Variants in TRPM3 observed in about 807,000 individuals in gnomAD.
TRPM3 encodes transient receptor potential cation channel subfamily M member 3, also known as long transient receptor potential channel 3.
Under a neutral mutation model 181.2 loss-of-function variants are expected in TRPM3, and 77 were observed. The ratio of observed to expected loss-of-function variants is 0.42; its 90% CI spans 0.35 to 0.51. The LOEUF is 0.51. TRPM3 is among the 20% of genes least tolerant of loss of function. The pLI, the probability that TRPM3 is intolerant of heterozygous loss-of-function variation, is 0.01. For synonymous variants in TRPM3, 745 were observed against 796.4 expected (o/e 0.94, Z 1.09); for missense variants, 1,759 against 2,196.7 (o/e 0.80, Z 3.98).
At chr9:70,598,956 C>T (rs1006538317) in intron 20 of TRPM3, among the ~76,000 whole-genome samples, 3 of 152,152 alleles carry the variant, frequency 2.0e-5, no homozygotes, top group Non-Finnish European at 4.4e-5. Context: ...TCCTAGTATG[C>T]TGCAAATCTC....
intron 1 of TRPM3, among the ~76,000 whole-genome samples, chr9:71,340,779 C>A (rs1468902282): frequency 1.3e-5 from 2 of 152,060 alleles, no homozygotes; most frequent in African/African-American, 4.8e-5. Flanking sequence ...ATGAGCATAC[C>A]TAGCAAACAG....
intron 6 of TRPM3, among the ~76,000 whole-genome samples, chr9:70,814,805 C>G (rs1471756340): frequency 6.6e-6 from 1 of 152,078 alleles, no homozygotes; most frequent in Non-Finnish European, 1.5e-5. Context: ...AGGCACCCAA[C>G]TCCTAGGCCC....
Position 70,549,638 on chromosome 9 carries a change from TG to T in TRPM3, c.3610del (p.His1204MetfsTer8). 6.2e-7 allele frequency: 1 copy of T among 1,611,678 alleles called. No homozygotes were observed. Among genetic ancestry groups the T allele is most frequent in the Non-Finnish European group, 8.5e-7 (1 of 1,179,800 alleles). ...FITDDELKKVHDFEEQCIEEY... is the reference protein window; with the variant it reads ...FITDDELKKVXDFEEQCIEEY... ...TTCTATGCATTGCTCTTCAAAGTCA[TG>T]TACTTTCTTGAGCTCATCATCGGTT... is the stretch of plus-strand genomic sequence containing the variant. On this transcript the variant is annotated frameshift_variant, in exon 25 of 26. Coordinates refer to ENST00000677713, the MANE Select transcript of TRPM3 (RefSeq NM_001366145.2). LOFTEE classifies it high-confidence loss of function.
intron 1 of TRPM3, among the ~76,000 whole-genome samples, chr9:70,912,551 G>C (rs75010927): frequency 6.6e-6 from 1 of 152,156 alleles, no homozygotes; most frequent in Non-Finnish European, 1.5e-5. Context: ...GATAAGGAAA[G>C]TGAGGAGAGT....
chr9:71,071,196 C>T (rs2062720226), intron 1 of TRPM3, among the ~76,000 whole-genome samples: 1 of 152,160 alleles, frequency 6.6e-6, no homozygotes, highest in Non-Finnish European at 1.5e-5. Context: ...CATCTCCTTG[C>T]CTTGGTCTCC....
intron 5 of TRPM3, among the ~76,000 whole-genome samples, chr9:70,831,872 A>G (rs1158416304): frequency 6.7e-6 from 1 of 149,730 alleles, no homozygotes; most frequent in East Asian, 2.0e-4. Flanking sequence ...AACTCAAAGG[A>G]TAAATGCTTG....
chr9:70,608,771 T>C (rs2061581636), intron 19 of TRPM3, among the ~76,000 whole-genome samples: 1 of 152,106 alleles, frequency 6.6e-6, no homozygotes, highest in Non-Finnish European at 1.5e-5. Flanking sequence ...ATCCAGGAGA[T>C]GGAGGTTGCA....
intron 1 of TRPM3, among the ~76,000 whole-genome samples, chr9:71,053,950 G>A (rs1209271243): frequency 6.6e-6 from 1 of 152,130 alleles, no homozygotes; most frequent in Non-Finnish European, 1.5e-5. Flanking sequence ...ACTTGTAGGA[G>A]AATCACTGGA....
intron 1 of TRPM3, among the ~76,000 whole-genome samples, chr9:71,078,072 T>A (rs144775082): frequency 1.7e-3 from 252 of 152,248 alleles, no homozygotes; most frequent in Non-Finnish European, 2.9e-3. Flanking sequence ...CACATATATG[T>A]GCGCTTGTGG....
Position 70,596,086 on chromosome 9 carries a change from A to G in TRPM3, c.3048+2333T>C, listed in dbSNP as rs376478677. 2.2e-3 allele frequency among the ~76,000 whole-genome samples: 334 copies of G among 152,336 alleles called. 2 individuals carry two copies. The highest frequency in any genetic ancestry group is 7.7e-3 in the African/African-American group (322 of 41,590). On this transcript the variant is annotated intron_variant, in intron 21 of 25. Transcript: ENST00000677713. ...CAATTTGAACATAATGATAACAGAT[A>G]TAATTTGTCAACCACCAACTATGAG... is the stretch of plus-strand genomic sequence containing the variant.
At chr9:71,373,159 C>T (rs2092571262) in intron 1 of TRPM3, among the ~76,000 whole-genome samples, 1 of 152,088 alleles carries the variant, frequency 6.6e-6, no homozygotes. Context: ...TACATGCCCA[C>T]ATGAGAAAGC....
intron 1 of TRPM3, among the ~76,000 whole-genome samples, chr9:71,171,495 C>T (rs974438110): frequency 3.9e-5 from 6 of 151,902 alleles, no homozygotes; most frequent in African/African-American, 1.2e-4. Context: ...TCAAGCTGGC[C>T]GACACTTAGG....
chr9:71,015,665 G>A (rs1040170564), intron 1 of TRPM3, among the ~76,000 whole-genome samples: 1 of 152,062 alleles, frequency 6.6e-6, no homozygotes, highest in African/African-American at 2.4e-5. Flanking sequence ...TATTAATTGG[G>A]TTCTCTCACA....
intron 6 of TRPM3, chr9:70,810,165 C>G (rs1335866692): frequency 2.0e-6 from 1 of 491,906 alleles, no homozygotes; most frequent in Non-Finnish European, 4.2e-6. Flanking sequence ...GGTACATGAT[C>G]AGGAGGTCCT....
At chr9:71,309,222 C>T (rs1235887889) in intron 1 of TRPM3, among the ~76,000 whole-genome samples, 1 of 152,174 alleles carries the variant, frequency 6.6e-6, no homozygotes, top group Non-Finnish European at 1.5e-5. Context: ...TTTTTAATAG[C>T]TGTAACGTTT....
At chr9:70,870,068 C>T (rs531562142) in intron 1 of TRPM3, among the ~76,000 whole-genome samples, 1 of 152,018 alleles carries the variant, frequency 6.6e-6, no homozygotes, top group Non-Finnish European at 1.5e-5. Context: ...AGAGATGGCA[C>T]TCTTCCCTTT....
rs2092872558 is a variant in TRPM3, at chr9:71,384,137, C to G, written c.183+62516G>C. Among the ~76,000 whole-genome samples the G allele has an allele frequency of 2.0e-5, 3 of 152,114 alleles. No individual in the cohort carries two copies. In the South Asian group the frequency reaches 6.2e-4, roughly 32 times the overall value. ...GTGGCTAATTGATGTTCATATACAT[C>G]AGAAAACTTAAATAACTCTAGTTGT... On this transcript the variant is annotated intron_variant, in intron 1 of 24. Coordinates refer to the TRPM3 transcript ENST00000357533.
At chr9:71,191,878 A>T (rs369437773) in intron 1 of TRPM3, among the ~76,000 whole-genome samples, 1 of 151,562 alleles carries the variant, frequency 6.6e-6, no homozygotes, top group Non-Finnish European at 1.5e-5. Context: ...GGGTGATGTC[A>T]TATCTGTAAG....
At chr9:70,565,221 C>T (rs1477964914) in intron 22 of TRPM3, among the ~76,000 whole-genome samples, 1 of 152,198 alleles carries the variant, frequency 6.6e-6, no homozygotes, top group East Asian at 1.9e-4. Flanking sequence ...TTATTCTTTC[C>T]CAGAGCAACA....
Sources: gnomAD v4.1 joint callset for allele counts (sites outside exome capture counted in the v4.1 genomes callset) on GRCh38, gnomAD v4.1.1 for gene constraint, MANE v1.5 for transcripts, NCBI Gene and HGNC (gene_info 2026-07-23, HGNC 2026-07-21) for gene names.